The following CNOT2 variants were observed in gnomAD, a reference collection of about 807,000 sequenced individuals.
CNOT2 encodes the protein CCR4-NOT transcription complex subunit 2.
In CNOT2, 7 loss-of-function variants were observed where a neutral mutation model predicts 72.1. The observed-to-expected ratio is 0.10, with a 90% CI of 0.06 to 0.18. The LOEUF is 0.18. Ranked by LOEUF, CNOT2 falls within the 10% of genes least tolerant of loss-of-function variation. The pLI, the probability that CNOT2 is intolerant of heterozygous loss-of-function variation, is 1.00. For missense variants in CNOT2, 345 were observed against 660.3 expected, an observed-to-expected ratio of 0.52 and a Z score of 5.23; for synonymous variants, 196 against 225.6, an observed-to-expected ratio of 0.87 and a Z score of 1.17.
intron 15 of CNOT2, among the ~76,000 whole-genome samples, chr12:70,349,165 G>A (rs980151408): frequency 5.9e-5 from 9 of 151,984 alleles, no homozygotes; most frequent in African/African-American, 1.7e-4. Flanking sequence ...GTATATTAAC[G>A]GGATAAATTT....
At chr12:70,292,900 A>G (rs570310938) in intron 2 of CNOT2, among the ~76,000 whole-genome samples, 1 of 152,326 alleles carries the variant, frequency 6.6e-6, no homozygotes, top group Non-Finnish European at 1.5e-5. Flanking sequence ...CCCTTGCTAA[A>G]GGAATACTTT....
Position 70,278,381 on chromosome 12 carries a change from T to C in CNOT2, c.48+107T>C. Reference sequence around the variant, plus strand: ...ACCAGCAAATTGGTTACACCTCAATTTGAAAATTTGGGTTTATAATTTTAA... The same window carrying C: ...ACCAGCAAATTGGTTACACCTCAATCTGAAAATTTGGGTTTATAATTTTAA... On this transcript the variant is annotated intron_variant, in intron 2 of 15. Coordinates refer to ENST00000229195, the MANE Select transcript of CNOT2 (RefSeq NM_014515.7). 3 of 663,264 alleles carry C rather than the reference T, an allele frequency of 4.5e-6. No homozygotes were observed. In the South Asian group the frequency reaches 7.2e-5, roughly 16 times the overall value. 41.1% of individuals were successfully genotyped at this position (663,264 alleles called of 1,614,324 possible).
At chr12:70,262,386 G>A (rs374554628) in intron 1 of CNOT2, among the ~76,000 whole-genome samples, 1 of 152,022 alleles carries the variant, frequency 6.6e-6, no homozygotes, top group Non-Finnish European at 1.5e-5. Context: ...CCATTCTCCT[G>A]CCTCAGCCTC....
chr12:70,289,601 C>CT (rs1871515332), intron 2 of CNOT2, among the ~76,000 whole-genome samples: 1 of 152,086 alleles, frequency 6.6e-6, no homozygotes, highest in Non-Finnish European at 1.5e-5. Context: ...TGTCCCATAG[C>CT]TTACTGATGC....
At chr12:70,283,780 G>A (rs1334569789) in intron 2 of CNOT2, among the ~76,000 whole-genome samples, 2 of 151,896 alleles carry the variant, frequency 1.3e-5, no homozygotes, top group Non-Finnish European at 2.9e-5. Flanking sequence ...AAGTAAAGGG[G>A]TAGAATGACT....
chr12:70,307,632 A>G (rs765190698), intron 2 of CNOT2: 3 of 152,178 alleles, frequency 2.0e-5, no homozygotes, highest in Non-Finnish European at 2.9e-5. Flanking sequence ...GTATTTCGAT[A>G]TAATTGACAT....
chr12:70,247,178 T>C (rs1047501479), intron 1 of CNOT2, among the ~76,000 whole-genome samples: 2 of 152,076 alleles, frequency 1.3e-5, no homozygotes, highest in African/African-American at 4.8e-5. Context: ...TTTTTTTTTT[T>C]TCTTTGAGAC....
intron 3 of CNOT2, among the ~76,000 whole-genome samples, chr12:70,316,867 G>T (rs543995096): frequency 6.6e-6 from 1 of 152,242 alleles, no homozygotes; most frequent in African/African-American, 2.4e-5. Flanking sequence ...GTAACTCATG[G>T]ATGTATAATC....
At chr12:70,262,832 C>A (rs973202870) in intron 1 of CNOT2, among the ~76,000 whole-genome samples, 3 of 152,090 alleles carry the variant, frequency 2.0e-5, no homozygotes, top group Admixed American at 2.0e-4. Context: ...TGCCACCACA[C>A]CTGGCTATTT....
chr12:70,248,046 T>C (rs1358311980), intron 1 of CNOT2, among the ~76,000 whole-genome samples: 1 of 152,248 alleles, frequency 6.6e-6, no homozygotes, highest in African/African-American at 2.4e-5. Context: ...CCTGTTTTGC[T>C]TCTGGCAGGA....
chr12:70,255,723 T>C (rs1028984420), intron 1 of CNOT2, among the ~76,000 whole-genome samples: 2 of 152,186 alleles, frequency 1.3e-5, no homozygotes, highest in African/African-American at 2.4e-5. Context: ...TAAAAACATA[T>C]ACTGAAACTC....
At chr12:70,270,805 T>A (rs1468452064) in intron 1 of CNOT2, among the ~76,000 whole-genome samples, 1 of 152,204 alleles carries the variant, frequency 6.6e-6, no homozygotes, top group Non-Finnish European at 1.5e-5. Flanking sequence ...TCAGTTTTTA[T>A]GCCAATGTTA....
chr12:70,304,866 G>A (rs1048288568), intron 2 of CNOT2, among the ~76,000 whole-genome samples: 1 of 152,218 alleles, frequency 6.6e-6, no homozygotes, highest in Admixed American at 6.5e-5. Context: ...CTCAAGCCTT[G>A]GCAATGGCGG....
At chr12:70,293,161 C>CTTT (rs201732291) in intron 2 of CNOT2, among the ~76,000 whole-genome samples, 6 of 136,294 alleles carry the variant, frequency 4.4e-5, no homozygotes, top group East Asian at 2.1e-4. Context: ...GATTTCATAT[C>CTTT]TTTTTTTTTT....
intron 1 of CNOT2, among the ~76,000 whole-genome samples, chr12:70,261,802 A>T (rs1489475204): frequency 6.6e-6 from 1 of 151,628 alleles, no homozygotes; most frequent in East Asian, 1.9e-4. Context: ...TAAAATTGGT[A>T]CAATTCACCA....
At chr12:70,250,452 T>G (rs774060484) in intron 1 of CNOT2, among the ~76,000 whole-genome samples, 6 of 152,112 alleles carry the variant, frequency 3.9e-5, no homozygotes, top group Non-Finnish European at 7.4e-5. Context: ...GTGTTTAGTC[T>G]CTGCTTGACA....
intron 1 of CNOT2, among the ~76,000 whole-genome samples, chr12:70,265,635 T>A (rs1452842644): frequency 6.6e-6 from 1 of 152,056 alleles, no homozygotes; most frequent in East Asian, 1.9e-4. Flanking sequence ...ATTTCTGTGT[T>A]TTTTCCTCTC....
At chr12:70,313,486 C>T (rs916587931) in intron 3 of CNOT2, among the ~76,000 whole-genome samples, 3 of 151,962 alleles carry the variant, frequency 2.0e-5, no homozygotes, top group Non-Finnish European at 4.4e-5. Flanking sequence ...TTGTTCTTCA[C>T]ATATAATTTA....
chr12:70,352,611 A>C (rs1282527405), intron 15 of CNOT2, among the ~76,000 whole-genome samples: 1 of 152,232 alleles, frequency 6.6e-6, no homozygotes, highest in African/African-American at 2.4e-5. Flanking sequence ...TTGTTGCCTT[A>C]ATCTTTAATA....
Sources: gnomAD v4.1 joint callset for allele counts (sites outside exome capture counted in the v4.1 genomes callset) on GRCh38, gnomAD v4.1.1 for gene constraint, MANE v1.5 for transcripts, NCBI Gene and HGNC (gene_info 2026-07-23, HGNC 2026-07-21) for gene names.